SPIDR: variants seen among roughly 807,000 people sequenced by gnomAD.
SPIDR encodes DNA repair-scaffolding protein.
SPIDR carries 93 observed loss-of-function variants against 104.6 expected under a neutral mutation model. That is an observed-to-expected ratio of 0.89 (90% CI 0.75 to 1.06). The LOEUF is 1.06. SPIDR is among the 50% of genes least tolerant of loss of function. SPIDR has a pLI of 0.00. For missense variants in SPIDR, 1,154 were observed against 1,111.2 expected (o/e 1.04, Z -0.55); for synonymous variants, 431 against 416.9 (o/e 1.03, Z -0.41).
At chr8:47,301,315 C>A (rs1490245683) in intron 5 of SPIDR, among the ~76,000 whole-genome samples, 1 of 152,068 alleles carries the variant, frequency 6.6e-6, no homozygotes, top group Non-Finnish European at 1.5e-5. Context: ...TTCCTTCATC[C>A]TTTATTTTGA....
chr8:47,628,879 C>T (rs2066612053), intron 10 of SPIDR, among the ~76,000 whole-genome samples: 1 of 152,202 alleles, frequency 6.6e-6, no homozygotes, highest in South Asian at 2.1e-4. Context: ...AGCCAATATT[C>T]TCAAGTAGCT....
chr8:47,323,657 G>A (rs2047179729), intron 5 of SPIDR, among the ~76,000 whole-genome samples: 1 of 152,088 alleles, frequency 6.6e-6, no homozygotes, highest in Admixed American at 6.6e-5. Context: ...TCCTCACATA[G>A]TTGCTTTGAA....
intron 6 of SPIDR, among the ~76,000 whole-genome samples, chr8:47,405,628 T>TA (rs1465915768): frequency 6.6e-6 from 1 of 152,214 alleles, no homozygotes; most frequent in Non-Finnish European, 1.5e-5. Flanking sequence ...CTGTTAATTT[T>TA]ATAGAAAAGA....
chr8:47,395,946 T>A (rs1291212283), intron 5 of SPIDR, among the ~76,000 whole-genome samples: 1 of 152,238 alleles, frequency 6.6e-6, no homozygotes, highest in Non-Finnish European at 1.5e-5. Context: ...AAATGATTTA[T>A]ACCTGAAGAG....
Position 47,416,489 on chromosome 8 carries a change from T to C in SPIDR, c.877+8528T>C, listed in dbSNP as rs949605813. Among the ~76,000 whole-genome samples, 19 of 152,160 alleles carry C rather than the reference T, an allele frequency of 1.2e-4. 1 individual carries two copies. The highest frequency in any genetic ancestry group is 5.2e-4 in the Admixed American group (8 of 15,268). On this transcript the variant is annotated intron_variant, in intron 7 of 19. Transcript: ENST00000297423. ...TAAAAATAAAAGGTGCTGTGAACAT[T>C]TGTGTACCAGTTTTTGAGTGAACAT...
intron 10 of SPIDR, among the ~76,000 whole-genome samples, chr8:47,626,815 T>C (rs1159546645): frequency 6.6e-6 from 1 of 152,170 alleles, no homozygotes; most frequent in Non-Finnish European, 1.5e-5. Flanking sequence ...TCAACCATTG[T>C]GGAAGTCAGT....
intron 10 of SPIDR, among the ~76,000 whole-genome samples, chr8:47,671,079 T>C (rs2075726182): frequency 1.3e-5 from 2 of 152,048 alleles, no homozygotes; most frequent in Non-Finnish European, 2.9e-5. Context: ...CCAGCTAATT[T>C]TTTTATTTAT....
At chr8:47,594,382 G>T (rs968647016) in intron 8 of SPIDR, among the ~76,000 whole-genome samples, 1 of 151,398 alleles carries the variant, frequency 6.6e-6, no homozygotes, top group Non-Finnish European at 1.5e-5. Flanking sequence ...AAAGAAAAAG[G>T]AAAAGAAAGC....
chr8:47,413,131 T>C (rs1037677917), intron 7 of SPIDR, among the ~76,000 whole-genome samples: 12 of 152,244 alleles, frequency 7.9e-5, no homozygotes, highest in African/African-American at 2.9e-4. Context: ...GATGGTGAAC[T>C]ATCAGATGGA....
rs1240267011 is a variant in SPIDR at position 47,381,103 on chromosome 8, A to AT, written c.526-15272dup. ...AACAGAGAGCATTCTACATGAATTA[A>AT]TGTGTGTATGTGTGCCATGGCTGCA... is the stretch of plus-strand genomic sequence containing the variant. On this transcript the variant is annotated intron_variant, in intron 5 of 19. Coordinates refer to ENST00000297423, the MANE Select transcript of SPIDR (RefSeq NM_001080394.4). 2.0e-5 allele frequency among the ~76,000 whole-genome samples: 3 copies of AT among 152,200 alleles called. No homozygotes were observed. The East Asian group carries it at 5.8e-4, about 29-fold the overall frequency.
intron 8 of SPIDR, among the ~76,000 whole-genome samples, chr8:47,520,091 T>C (rs575857777): frequency 6.6e-6 from 1 of 152,174 alleles, no homozygotes; most frequent in African/African-American, 2.4e-5. Context: ...ATAGATAATA[T>C]AGTTGTATTT....
chr8:47,702,070 C>T (rs2080281785), intron 14 of SPIDR, 55 bp downstream of exon 14: 3 of 552,942 alleles, frequency 5.4e-6, no homozygotes, highest in Non-Finnish European at 6.3e-6. Context: ...CTCTCTCTCT[C>T]TCTCTCTCTC....
chr8:47,291,017 T>G lies in SPIDR; in HGVS notation c.257-16T>G. The G allele has an allele frequency of 2.5e-6, 4 of 1,590,720 alleles. No homozygotes were observed. Among genetic ancestry groups the G allele is most frequent in the Non-Finnish European group, 3.4e-6 (4 of 1,163,006 alleles). ...ATAAGGAGATCATATTTATGTGCTT[T>G]CTTTTCCTTCAACAGAAACCACCAC... On this transcript the variant is annotated splice_polypyrimidine_tract_variant and intron_variant, in intron 3 of 19. Coordinates refer to ENST00000297423, the MANE Select transcript of SPIDR (RefSeq NM_001080394.4).
intron 10 of SPIDR, among the ~76,000 whole-genome samples, chr8:47,624,311 A>G (rs1490302326): frequency 1.3e-5 from 2 of 152,224 alleles, no homozygotes; most frequent in Non-Finnish European, 2.9e-5. Context: ...ACACCCTAAC[A>G]TCACAATTAA....
chr8:47,584,557 A>G (rs1353679243), intron 8 of SPIDR, among the ~76,000 whole-genome samples: 1 of 152,174 alleles, frequency 6.6e-6, no homozygotes, highest in East Asian at 1.9e-4. Context: ...GAGTAACTTG[A>G]GTTGGGAAGA....
chr8:47,523,968 C>G lies in SPIDR; in HGVS notation c.1098-71843C>G, dbSNP rs370332267. ...ACACACCTATGAAAAAACACAATGA[C>G]AGATTAAGTGTCCTGAAGTGTCGGA... On this transcript the variant is annotated intron_variant, in intron 8 of 19. Coordinates refer to ENST00000297423, the MANE Select transcript of SPIDR (RefSeq NM_001080394.4). Among the ~76,000 whole-genome samples the G allele has an allele frequency of 2.0e-4, 31 of 152,246 alleles. No homozygotes were observed. The Middle Eastern group carries it at 0.01, about 50-fold the overall frequency.
chr8:47,632,592 C>A (rs1192192839), intron 10 of SPIDR, among the ~76,000 whole-genome samples: 1 of 151,956 alleles, frequency 6.6e-6, no homozygotes, highest in Non-Finnish European at 1.5e-5. Flanking sequence ...TTGCTCTTAG[C>A]CAAAGAATGT....
chr8:47,286,506 T>A (rs2038878287), intron 3 of SPIDR, among the ~76,000 whole-genome samples: 1 of 152,198 alleles, frequency 6.6e-6, no homozygotes, highest in Non-Finnish European at 1.5e-5. Flanking sequence ...CCCAGGAGTT[T>A]GGGGCTGCAG....
intron 5 of SPIDR, among the ~76,000 whole-genome samples, chr8:47,307,641 C>T (rs1185564658): frequency 2.7e-5 from 4 of 148,154 alleles, no homozygotes; most frequent in East Asian, 2.0e-4. Context: ...CGGGTTCAAG[C>T]GATTCTCATG....
Sources: gnomAD v4.1 joint callset for allele counts (sites outside exome capture counted in the v4.1 genomes callset) on GRCh38, gnomAD v4.1.1 for gene constraint, MANE v1.5 for transcripts, NCBI Gene and HGNC (gene_info 2026-07-23, HGNC 2026-07-21) for gene names.